Variants in FAF1 observed in about 807,000 individuals in gnomAD.
FAF1 encodes the protein Fas associated factor 1, also known as FAS-associated factor 1.
Under a neutral mutation model 92.5 loss-of-function variants are expected in FAF1, and 25 were observed. The ratio of observed to expected loss-of-function variants is 0.27; its 90% CI spans 0.20 to 0.38. The LOEUF is 0.38. Ranked by LOEUF, FAF1 falls within the 10% of genes least tolerant of loss-of-function variation. The pLI is 1.00. For missense variants in FAF1, 636 were observed against 793.3 expected, an observed-to-expected ratio of 0.80 and a Z score of 2.38; for synonymous variants, 234 against 273.2, an observed-to-expected ratio of 0.86 and a Z score of 1.42.
intron 2 of FAF1, among the ~76,000 whole-genome samples, chr1:50,804,721 C>CT (rs1033100931): frequency 1.2e-4 from 18 of 152,016 alleles, no homozygotes; most frequent in Non-Finnish European, 2.1e-4. Context: ...TTTTTGTTTG[C>CT]TTTTTTTCCC....
Position 50,631,093 on chromosome 1 carries a change from A to G in FAF1, c.744+24349T>C, listed in dbSNP as rs1270510504. 3.3e-5 allele frequency among the ~76,000 whole-genome samples: 5 copies of G among 151,586 alleles called. No individual in the cohort carries two copies. In the South Asian group the frequency reaches 8.3e-4, roughly 25 times the overall value. On this transcript the variant is annotated intron_variant, in intron 8 of 18. Transcript: ENST00000396153. ...GCATGAGCCACAGTGCCCAGCCTCT[A>G]TTTTCATTCTCCTACCATTCCTCTG...
chr1:50,655,185 C>A (rs772715667), intron 8 of FAF1, among the ~76,000 whole-genome samples: 7 of 152,038 alleles, frequency 4.6e-5, no homozygotes, highest in Non-Finnish European at 7.4e-5. Flanking sequence ...CCATGCCCAG[C>A]TAATTTTTGT....
chr1:50,830,402 G>A lies in FAF1; in HGVS notation c.114+27527C>T, dbSNP rs74080094. ...TGGGATTACAGGCGTGAGCCATTGC[G>A]CCCAGCACCACAGGGTATCATTTAA... is the stretch of plus-strand genomic sequence containing the variant. On this transcript the variant is annotated intron_variant, in intron 2 of 18. Transcript: ENST00000396153. Among the ~76,000 whole-genome samples, 1,187 of 152,322 alleles carry A rather than the reference G, an allele frequency of 7.8e-3. 13 individuals carry two copies. Among genetic ancestry groups the A allele is most frequent in the African/African-American group, 0.027 (1,139 of 41,574 alleles).
intron 7 of FAF1, among the ~76,000 whole-genome samples, chr1:50,694,463 A>C (rs932928063): frequency 6.6e-6 from 1 of 151,620 alleles, no homozygotes. Flanking sequence ...TAATTATCTC[A>C]CTTATAATTA....
chr1:50,480,267 C>A (rs1224708334), intron 17 of FAF1, among the ~76,000 whole-genome samples: 2 of 152,062 alleles, frequency 1.3e-5, no homozygotes, highest in African/African-American at 2.4e-5. Context: ...ACTGTCACTA[C>A]AAGGTTACAT....
chr1:50,452,643 A>G (rs944192106), intron 18 of FAF1, among the ~76,000 whole-genome samples: 3 of 152,204 alleles, frequency 2.0e-5, no homozygotes, highest in African/African-American at 4.8e-5. Context: ...TAAGAGACAA[A>G]TGAAAGGGGA....
chr1:50,838,964 T>C lies in FAF1; in HGVS notation c.114+18965A>G, dbSNP rs548310079. 2.6e-5 allele frequency among the ~76,000 whole-genome samples: 4 copies of C among 152,268 alleles called. No homozygotes were observed. In the South Asian group the frequency reaches 8.3e-4, roughly 32 times the overall value. On this transcript the variant is annotated intron_variant, in intron 2 of 18. Coordinates refer to ENST00000396153, the MANE Select transcript of FAF1 (RefSeq NM_007051.3). The stretch of plus-strand genomic sequence containing the variant: ...ATTATAAACCCCTAAGATCAATGTT[T>C]GTGACAAAAACACAAGGGGGAAAAT...
chr1:50,917,000 T>C (rs1035157752), intron 1 of FAF1, among the ~76,000 whole-genome samples: 1 of 152,182 alleles, frequency 6.6e-6, no homozygotes, highest in Non-Finnish European at 1.5e-5. Flanking sequence ...TGAATCGTGA[T>C]AACTACAATG....
chr1:50,643,790 G>A (rs190174938), intron 8 of FAF1, among the ~76,000 whole-genome samples: 6 of 151,884 alleles, frequency 4.0e-5, no homozygotes, highest in Admixed American at 3.3e-4. Context: ...CTGGGGTTTC[G>A]CCATGTTGGC....
At chr1:50,819,317 CGTAT>C (rs1319524619) in intron 2 of FAF1, among the ~76,000 whole-genome samples, 1 of 151,632 alleles carries the variant, frequency 6.6e-6, no homozygotes, top group Non-Finnish European at 1.5e-5. Context: ...ATTTAAAATC[CGTAT>C]GTTTTACTAT....
At chr1:50,849,671 G>C (rs991027230) in intron 2 of FAF1, among the ~76,000 whole-genome samples, 1 of 152,026 alleles carries the variant, frequency 6.6e-6, no homozygotes, top group Admixed American at 6.6e-5. Flanking sequence ...AGACTATATA[G>C]ACTACTAACC....
intron 13 of FAF1, among the ~76,000 whole-genome samples, chr1:50,554,615 A>C (rs546076694): frequency 5.0e-4 from 76 of 152,200 alleles, no homozygotes; most frequent in South Asian, 3.3e-3. Context: ...CGTCTTCTTC[A>C]CTACACCCCA....
chr1:50,591,138 T>A (rs1237435186), intron 9 of FAF1, among the ~76,000 whole-genome samples: 1 of 152,212 alleles, frequency 6.6e-6, no homozygotes, highest in Non-Finnish European at 1.5e-5. Flanking sequence ...TATTTCTAGT[T>A]TTACCATGAA....
chr1:50,814,193 T>C (rs893086321), intron 2 of FAF1, among the ~76,000 whole-genome samples: 5 of 152,174 alleles, frequency 3.3e-5, no homozygotes, highest in Non-Finnish European at 5.9e-5. Flanking sequence ...TATACTAATA[T>C]GCATAGCTGC....
intron 7 of FAF1, among the ~76,000 whole-genome samples, chr1:50,671,427 T>C (rs1008456672): frequency 7.9e-5 from 12 of 151,896 alleles, no homozygotes; most frequent in Admixed American, 4.6e-4. Context: ...AAGGTAAAGT[T>C]TGACTTCCAT....
At chr1:50,443,324 G>A (rs1646191499) in intron 18 of FAF1, among the ~76,000 whole-genome samples, 1 of 152,190 alleles carries the variant, frequency 6.6e-6, no homozygotes, top group Non-Finnish European at 1.5e-5. Flanking sequence ...ACCACACCCA[G>A]TTTTCATATG....
intron 6 of FAF1, among the ~76,000 whole-genome samples, chr1:50,738,037 G>A (rs939801049): frequency 5.9e-5 from 9 of 152,060 alleles, no homozygotes; most frequent in East Asian, 1.9e-4. Context: ...AATAAAAAAC[G>A]TAATGTATAA....
At chr1:50,513,559 T>C (rs1185433141) in intron 15 of FAF1, among the ~76,000 whole-genome samples, 2 of 152,294 alleles carry the variant, frequency 1.3e-5, no homozygotes, top group East Asian at 1.9e-4. Context: ...AAAGTTCTCA[T>C]TTGGTTTCCA....
At chr1:50,610,612 C>T (rs1288535173) in intron 8 of FAF1, among the ~76,000 whole-genome samples, 1 of 152,048 alleles carries the variant, frequency 6.6e-6, no homozygotes, top group African/African-American at 2.4e-5. Flanking sequence ...GTTATAAAAG[C>T]ATCAGTGCTT....
Sources: allele counts gnomAD v4.1 joint callset (sites outside exome capture counted in the v4.1 genomes callset), GRCh38; gene constraint gnomAD v4.1.1; transcripts MANE v1.5; gene names NCBI Gene and HGNC (gene_info 2026-07-23, HGNC 2026-07-21).